The following PCDH7 variants were observed in gnomAD, a reference collection of about 807,000 sequenced individuals.
PCDH7 encodes protocadherin 7.
In PCDH7, 17 loss-of-function variants were observed where a neutral mutation model predicts 58.9. That is an observed-to-expected ratio of 0.29 (90% CI 0.20 to 0.43). PCDH7 has a LOEUF of 0.43. Ranked by LOEUF, PCDH7 falls within the 20% of genes least tolerant of loss-of-function variation. The pLI, the probability that PCDH7 is intolerant of heterozygous loss-of-function variation, is 1.00. For missense variants in PCDH7, 1,274 were observed against 1,441.0 expected, an observed-to-expected ratio of 0.88 and a Z score of 1.88; for synonymous variants, 664 against 616.4, an observed-to-expected ratio of 1.08 and a Z score of -1.14.
At chr4:30,884,250 T>G (rs184384824) in intron 1 of PCDH7, among the ~76,000 whole-genome samples, 35 of 152,216 alleles carry the variant, frequency 2.3e-4, no homozygotes, top group African/African-American at 8.2e-4. Flanking sequence ...TTTTTGGCAC[T>G]GATATTTTAT....
chr4:30,945,133 A>G (rs2109440825), intron 2 of PCDH7, among the ~76,000 whole-genome samples: 1 of 152,270 alleles, frequency 6.6e-6, no homozygotes, highest in Admixed American at 6.5e-5. Context: ...ATATTAAATA[A>G]GATTAATGAG....
intron 1 of PCDH7, among the ~76,000 whole-genome samples, chr4:30,726,872 C>G (rs1273428124): frequency 6.6e-6 from 1 of 151,940 alleles, no homozygotes; most frequent in Non-Finnish European, 1.5e-5. Flanking sequence ...TACAAAGTTA[C>G]ATTCCGTTTT....
chr4:30,808,886 CTTA>C (rs1360959672), intron 1 of PCDH7, among the ~76,000 whole-genome samples: 1 of 152,110 alleles, frequency 6.6e-6, no homozygotes, highest in Non-Finnish European at 1.5e-5. Flanking sequence ...AACCTCTCAA[CTTA>C]GAGGTCTTCA....
intron 1 of PCDH7, among the ~76,000 whole-genome samples, chr4:30,730,578 T>C (rs1398803479): frequency 6.6e-6 from 1 of 152,138 alleles, no homozygotes; most frequent in Admixed American, 6.6e-5. Context: ...CTCTGACAAG[T>C]TAACTTCCCC....
intron 1 of PCDH7, among the ~76,000 whole-genome samples, chr4:30,873,766 G>T (rs1476447173): frequency 6.6e-6 from 1 of 151,802 alleles, no homozygotes; most frequent in Non-Finnish European, 1.5e-5. Flanking sequence ...ACACTAATTT[G>T]GATAAATTCA....
chr4:30,758,547 G>T (rs1719609343), intron 1 of PCDH7, among the ~76,000 whole-genome samples: 1 of 152,092 alleles, frequency 6.6e-6, no homozygotes, highest in African/African-American at 2.4e-5. Context: ...GGTTCATTTT[G>T]CCATACATAT....
At chr4:30,803,254 T>C (rs1465476916) in intron 1 of PCDH7, among the ~76,000 whole-genome samples, 1 of 152,152 alleles carries the variant, frequency 6.6e-6, no homozygotes, top group East Asian at 1.9e-4. Flanking sequence ...CCATTTTGTA[T>C]CTGTGAGTGT....
chr4:30,945,732 G>A (rs968887929), intron 2 of PCDH7, among the ~76,000 whole-genome samples: 8 of 151,904 alleles, frequency 5.3e-5, no homozygotes, highest in African/African-American at 1.9e-4. Context: ...AGGAAATCAG[G>A]CACTAGCATA....
chr4:31,082,927 T>A (rs1262286691), intron 3 of PCDH7, among the ~76,000 whole-genome samples: 1 of 152,028 alleles, frequency 6.6e-6, no homozygotes, highest in Non-Finnish European at 1.5e-5. Flanking sequence ...GCTAACATGG[T>A]GAAACCCCGT....
At chr4:31,144,136 T>C (rs1664554352), downstream of PCDH7, 1 of 152,202 alleles carries the variant, frequency 6.6e-6, no homozygotes, top group Non-Finnish European at 1.5e-5. Flanking sequence ...AGTGCACACT[T>C]TGATGCACCA....
chr4:30,920,104 C>T, intron 1 of PCDH7, 49 bp from the exon 2 acceptor site: 2 of 1,279,430 alleles, frequency 1.6e-6, no homozygotes, highest in Non-Finnish European at 2.1e-6. Flanking sequence ...AAAATAAGAT[C>T]ATTTACAATC....
intron 3 of PCDH7, among the ~76,000 whole-genome samples, chr4:31,025,366 C>A (rs950847527): frequency 6.6e-6 from 1 of 152,120 alleles, no homozygotes; most frequent in Non-Finnish European, 1.5e-5. Context: ...TGACTTGTTT[C>A]TTATGTAGTT....
At chr4:30,759,205 G>T (rs1488609103) in intron 1 of PCDH7, among the ~76,000 whole-genome samples, 1 of 152,136 alleles carries the variant, frequency 6.6e-6, no homozygotes, top group Admixed American at 6.5e-5. Flanking sequence ...GCCTCCCAAA[G>T]TGCTGGGATT....
chr4:30,831,115 G>T (rs1437936992), intron 1 of PCDH7, among the ~76,000 whole-genome samples: 1 of 152,004 alleles, frequency 6.6e-6, no homozygotes, highest in African/African-American at 2.4e-5. Flanking sequence ...ACCCTCCCAG[G>T]CACTGCTATC....
At chr4:30,967,547 G>A (rs1294751823) in intron 3 of PCDH7, among the ~76,000 whole-genome samples, 1 of 152,060 alleles carries the variant, frequency 6.6e-6, no homozygotes, top group East Asian at 1.9e-4. Context: ...AAACTGAAGT[G>A]CGCTCTCAAC....
At chr4:30,979,022 C>T (rs1022479487) in intron 3 of PCDH7, among the ~76,000 whole-genome samples, 2 of 151,906 alleles carry the variant, frequency 1.3e-5, no homozygotes, top group African/African-American at 4.8e-5. Flanking sequence ...TAACAATTTT[C>T]ATTGGTGAGA....
intron 1 of PCDH7, among the ~76,000 whole-genome samples, chr4:30,746,850 T>A (rs1717843651): frequency 6.6e-6 from 1 of 152,180 alleles, no homozygotes; most frequent in Non-Finnish European, 1.5e-5. Context: ...CTCTCCTTTC[T>A]TTCTGTTTGT....
intron 3 of PCDH7, among the ~76,000 whole-genome samples, chr4:30,958,164 C>A (rs1473201440): frequency 6.6e-6 from 1 of 151,834 alleles, no homozygotes; most frequent in Non-Finnish European, 1.5e-5. Flanking sequence ...ATACTCTTAA[C>A]TTTTAGTTAA....
exon 4 of PCDH7, chr4:31,142,628 C>T (rs765851000): frequency 5.8e-6 from 8 of 1,367,526 alleles, no homozygotes; most frequent in Admixed American, 3.8e-5. Flanking sequence ...TGTTGATGAA[C>T]GAGGAAGCCA....
Sources: allele counts gnomAD v4.1 joint callset (sites outside exome capture counted in the v4.1 genomes callset), GRCh38; gene constraint gnomAD v4.1.1; transcripts MANE v1.5; gene names NCBI Gene and HGNC (gene_info 2026-07-23, HGNC 2026-07-21).